The following FANCA variants were observed in gnomAD, a reference collection of about 807,000 sequenced individuals.
FANCA encodes the protein FA complementation group A.
Under a neutral mutation model 194.3 loss-of-function variants are expected in FANCA, and 236 were observed. That is an observed-to-expected ratio of 1.21 (90% CI 1.09 to 1.35). The LOEUF (loss-of-function observed/expected upper bound fraction) is 1.35, where lower values mean the gene tolerates loss of function less well. Among genes scored for constraint, FANCA ranks in the 40% most tolerant of loss-of-function variants. The pLI, the probability that FANCA is intolerant of heterozygous loss-of-function variation, is 0.00. For synonymous variants in FANCA, 1,014 were observed against 715.8 expected (o/e 1.42, Z -6.65); for missense variants, 2,628 against 1,813.9 (o/e 1.45, Z -8.15).
At position 89,749,834 on chromosome 16, in the gene FANCA, CTCCTGGGAAGGGGTGTGGCCGAGAGG is replaced by C; in HGVS notation, c.3109_3134del (p.Pro1037AlafsTer5). On this transcript the variant is annotated frameshift_variant, in exon 32 of 43. Coordinates refer to ENST00000389301, the MANE Select transcript of FANCA (RefSeq NM_000135.4). LOFTEE classifies it high-confidence loss of function. Reference sequence around the variant, plus strand: ...TGCGGAAAATCTCAAAGAGGAAGTGCTCCTGGGAAGGGGTGTGGCCGAGAGGCACTATGAGGTCTTGCTGCAGCTCC... The same window carrying C: ...TGCGGAAAATCTCAAAGAGGAAGTGCCACTATGAGGTCTTGCTGCAGCTCC... The C allele has an allele frequency of 6.2e-7, 1 of 1,614,222 alleles. No individual in the cohort carries two copies. Among genetic ancestry groups the C allele is most frequent in the Non-Finnish European group, 8.5e-7 (1 of 1,180,032 alleles).
At position 89,773,402 on chromosome 16, in the gene FANCA, A is replaced by C. The variant is rs2039392048; in HGVS notation, c.1901-18T>G. On this transcript the variant is annotated intron_variant, in intron 21 of 42. Coordinates refer to ENST00000389301, the MANE Select transcript of FANCA (RefSeq NM_000135.4). ...GGCTGCATCTGTGAGAAGAAGGAAGAAACCAGATGGAAAGACACTCAACAG... is the reference window on the plus strand; with the variant it reads ...GGCTGCATCTGTGAGAAGAAGGAAGCAACCAGATGGAAAGACACTCAACAG... The C allele has an allele frequency of 1.3e-5, 19 of 1,518,734 alleles. No homozygotes were observed. The highest frequency in any genetic ancestry group is 1.6e-5 in the Non-Finnish European group (18 of 1,117,354). The allele number at this position is 1,518,734 out of a possible 1,614,324, so 94.1% of individuals were successfully genotyped here. A position where few individuals can be genotyped will look rare whatever the true frequency, so the allele number is the denominator to read the frequency against.
At chr16:89,752,899 G>A (rs71396960) in intron 30 of FANCA, among the ~76,000 whole-genome samples, 14 of 152,102 alleles carry the variant, frequency 9.2e-5, no homozygotes, top group Admixed American at 4.6e-4. Flanking sequence ...CCTTTCCCCC[G>A]GGGAGTTTAG....
rs371322934 is a variant in FANCA, at chr16:89,805,410, G to T, written c.597-18C>A. On this transcript the variant is annotated intron_variant, in intron 6 of 42. Coordinates refer to ENST00000389301, the MANE Select transcript of FANCA (RefSeq NM_000135.4). Reference sequence around the variant, plus strand: ...CGGGATGGCTGGAGACACACACAGAGGCAGACGTAAGGCTCAACTAAATCC... The same window carrying T: ...CGGGATGGCTGGAGACACACACAGATGCAGACGTAAGGCTCAACTAAATCC... 4 of 1,591,202 alleles carry T rather than the reference G, an allele frequency of 2.5e-6. No homozygotes were observed. In the Admixed American group the frequency reaches 5.0e-5, roughly 20 times the overall value.
rs74033882 is a variant in FANCA, at chr16:89,814,126, C to G, written c.283+394G>C. Among the ~76,000 whole-genome samples the G allele has an allele frequency of 5.7e-3, 864 of 152,306 alleles. 6 individuals are homozygous for G. Among genetic ancestry groups the G allele is most frequent in the African/African-American group, 0.02 (834 of 41,570 alleles). The stretch of plus-strand genomic sequence containing the variant: ...ATAACTTACTGTTGTTGACCCAGAA[C>G]TTACCCTATCTCCCACTCTCAAACT... On this transcript the variant is annotated intron_variant, in intron 3 of 42. Coordinates refer to ENST00000389301, the MANE Select transcript of FANCA (RefSeq NM_000135.4).
chr16:89,799,615 T>A lies in FANCA; in HGVS notation c.816A>T (p.Arg272Ser). The A allele has an allele frequency of 1.2e-6, 2 of 1,613,634 alleles. No individual in the cohort carries two copies. Among genetic ancestry groups the A allele is most frequent in the Non-Finnish European group, 1.7e-6 (2 of 1,179,540 alleles). The change falls in exon 9 of 43, where the codon AGA becomes AGT. Residue 272 changes from arginine (R) to serine (S), a missense_variant. Physicochemically the swap from Arg to Ser is moderately radical, Grantham distance 110. Coordinates refer to ENST00000389301, the MANE Select transcript of FANCA (RefSeq NM_000135.4). ...GTGCAATTAACTTACAAATCAGCAT[T>A]CTCTGCAGTACATCAACCGTGACCT... Reference protein sequence around the residue: ...MPQVTVDVLQRMLIFALDALA... With the variant: ...MPQVTVDVLQSMLIFALDALA...
Position 89,770,578 on chromosome 16 carries a change from G to A in FANCA, c.2208C>T (p.Val736=), listed in dbSNP as rs755638734. Residue 736 remains valine, a synonymous_variant, in exon 24 of 43, where the codon GTC becomes GTT. Transcript: ENST00000389301. ...FCQNLMAASS[V]APPERQGPWA... ...CGCGCCTTCACCTCTCCGGGGGAGC[G>A]ACACTGGAGGCAGCCATCAGGTTCT... 3 of 1,610,790 alleles carry A rather than the reference G, an allele frequency of 1.9e-6. No individual in the cohort carries two copies. The highest frequency in any genetic ancestry group is 1.7e-6 in the Non-Finnish European group (2 of 1,178,632).
intron 11 of FANCA, among the ~76,000 whole-genome samples, chr16:89,793,170 G>T (rs1269906770): frequency 2.0e-5 from 3 of 152,132 alleles, no homozygotes; most frequent in Non-Finnish European, 4.4e-5. Flanking sequence ...GGGGGAAAGG[G>T]AGAGTCCCTT....
rs2041064145 is a variant in FANCA at position 89,815,334 on chromosome 16, GCTTTTTTTTTT to G, written c.189+532_189+542del. ...TTACAGGCGTGAGCCACCACGCCCG[GCTTTTTTTTTT>G]TTTTTTTTTTTTTTTTTTTTTGTGA... On this transcript the variant is annotated intron_variant, in intron 2 of 42. Transcript: ENST00000389301. Among the ~76,000 whole-genome samples the G allele has an allele frequency of 4.3e-5, 5 of 116,490 alleles. No individual in the cohort carries two copies. In the Admixed American group the frequency reaches 4.8e-4, roughly 11 times the overall value. The allele number at this position is 116,490 out of a possible 152,430, so 76.4% of individuals were successfully genotyped here.
At chr16:89,742,236 C>CT (rs1466606271) in intron 37 of FANCA, among the ~76,000 whole-genome samples, 1 of 151,974 alleles carries the variant, frequency 6.6e-6, no homozygotes, top group Non-Finnish European at 1.5e-5. Context: ...CTCGGCCTCC[C>CT]TAAGTGTTGG....
intron 10 of FANCA, chr16:89,798,591 C>T: frequency 8.7e-7 from 1 of 1,148,344 alleles, no homozygotes; most frequent in Non-Finnish European, 1.1e-6. Context: ...CCATTTCCAC[C>T]AAACCCCGAT....
chr16:89,761,420 G>GAA (rs56659330), intron 29 of FANCA, among the ~76,000 whole-genome samples: 14,022 of 95,508 alleles, frequency 0.15, 1,108 homozygotes, highest in Non-Finnish European at 0.22. Context: ...CTCTGTCTCA[G>GAA]AAAAAAAAAA....
At chr16:89,777,415 A>C (rs2039546164) in intron 20 of FANCA, among the ~76,000 whole-genome samples, 1 of 151,988 alleles carries the variant, frequency 6.6e-6, no homozygotes, top group African/African-American at 2.4e-5. Flanking sequence ...CAGAGAATAA[A>C]CTTATTTTAA....
chr16:89,738,523 G>T lies in FANCA; in HGVS notation c.*78C>A. The T allele has an allele frequency of 6.2e-7, 1 of 1,600,164 alleles. No individual in the cohort carries two copies. On this transcript the variant is annotated 3_prime_UTR_variant, in exon 43 of 43. Coordinates refer to ENST00000389301, the MANE Select transcript of FANCA (RefSeq NM_000135.4). ...GAGGAGATTTGTAATCCACTTTTTA[G>T]TGCAACAAGAGCTCCATGTTATGCT...
At position 89,779,882 on chromosome 16, in the gene FANCA, C is replaced by G. The variant is rs778754162; in HGVS notation, c.1702G>C (p.Val568Leu). 1.9e-6 allele frequency: 3 copies of G among 1,613,818 alleles called. No individual in the cohort carries two copies. The highest frequency in any genetic ancestry group is 2.5e-6 in the Non-Finnish European group (3 of 1,180,022). Reference sequence around the variant, plus strand: ...AGCCCAGCCTACCTGGCCTCCATGACGGTGACTGGGATGTTCCCCGTATGC... The same window carrying G: ...AGCCCAGCCTACCTGGCCTCCATGAGGGTGACTGGGATGTTCCCCGTATGC... ...FEHTGNIPVT[V>L]MEASIFRRPY... is the part of the protein sequence containing the mutation. The change falls in exon 18 of 43, where the codon GTC becomes CTC. Residue 568 changes from valine (V) to leucine (L), a missense_variant. Physicochemically the swap from Val to Leu is conservative, Grantham distance 32. Transcript: ENST00000389301.
At chr16:89,791,793 C>T (rs2040084519) in intron 13 of FANCA, 134 bp downstream of exon 13, 2 of 1,180,130 alleles carry the variant, frequency 1.7e-6, no homozygotes, top group Non-Finnish European at 2.5e-6. Context: ...GTTCCATCGA[C>T]AGGAGGCACT....
chr16:89,748,820 T>C (rs529976953), intron 32 of FANCA, 53 bp from the exon 33 acceptor site: 3 of 1,453,220 alleles, frequency 2.1e-6, no homozygotes, highest in African/African-American at 2.8e-5. Flanking sequence ...ACTCTGCTCC[T>C]TCCCAAGGGC....
intron 36 of FANCA, chr16:89,744,670 T>A: frequency 2.3e-6 from 1 of 431,754 alleles, no homozygotes; most frequent in Non-Finnish European, 4.3e-6. Context: ...AGGCTGTTTT[T>A]TTTTTTGTTT....
chr16:89,783,126 G>C lies in FANCA; in HGVS notation c.1471-24C>G, dbSNP rs780506331. The C allele has an allele frequency of 1.9e-6, 3 of 1,574,516 alleles. No individual in the cohort carries two copies. In the Admixed American group the frequency reaches 5.0e-5, roughly 26 times the overall value. The stretch of plus-strand genomic sequence containing the variant: ...ACCTGAGGATAGATAGCAGAGCGCA[G>C]CACCGTTAGTCTGGGAACTGCCTGG... On this transcript the variant is annotated intron_variant, in intron 15 of 42. Transcript: ENST00000389301.
At chr16:89,788,345 C>T (rs2143502118) in intron 14 of FANCA, among the ~76,000 whole-genome samples, 1 of 152,202 alleles carries the variant, frequency 6.6e-6, no homozygotes, top group East Asian at 1.9e-4. Flanking sequence ...CCTGTAGTCC[C>T]AGCTACTCAG....
Sources: allele counts gnomAD v4.1 joint callset (sites outside exome capture counted in the v4.1 genomes callset), GRCh38; gene constraint gnomAD v4.1.1; transcripts MANE v1.5; gene names NCBI Gene and HGNC (gene_info 2026-07-23, HGNC 2026-07-21).